The following WAC variants were observed in gnomAD, a reference collection of about 807,000 sequenced individuals.
WAC encodes the protein WW domain-containing adapter protein with coiled-coil.
Under a neutral mutation model 79.6 loss-of-function variants are expected in WAC, and 11 were observed. The observed-to-expected ratio is 0.14, with a 90% CI of 0.09 to 0.23. The LOEUF is 0.23. Among genes scored for constraint, WAC ranks in the 10% least tolerant of loss-of-function variants. WAC has a pLI of 1.00. For missense variants in WAC, 728 were observed against 773.5 expected (o/e 0.94, Z 0.70); for synonymous variants, 304 against 276.9 (o/e 1.10, Z -0.97).
At chr10:28,605,140 G>A (rs907571337) in intron 7 of WAC, among the ~76,000 whole-genome samples, 1 of 152,088 alleles carries the variant, frequency 6.6e-6, no homozygotes, top group Non-Finnish European at 1.5e-5. Context: ...AAAAGATTTC[G>A]CTTCTGTCCC....
intron 3 of WAC, among the ~76,000 whole-genome samples, chr10:28,544,080 G>A (rs545877140): frequency 2.6e-5 from 4 of 152,204 alleles, no homozygotes; most frequent in African/African-American, 9.6e-5. Flanking sequence ...ACAGGGTTTT[G>A]TCATGTTGGC....
intron 4 of WAC, among the ~76,000 whole-genome samples, chr10:28,584,165 A>G (rs541763000): frequency 6.6e-6 from 1 of 152,336 alleles, no homozygotes; most frequent in East Asian, 1.9e-4. Flanking sequence ...AAAAGTAAAC[A>G]AATAGTGCCT....
intron 3 of WAC, among the ~76,000 whole-genome samples, chr10:28,550,177 A>AG (rs1424488488): frequency 2.0e-5 from 3 of 151,592 alleles, no homozygotes; most frequent in African/African-American, 7.3e-5. Flanking sequence ...AAAAAAAAAA[A>AG]AAAGTTTGTT....
chr10:28,574,544 G>A (rs1270788051), intron 3 of WAC, among the ~76,000 whole-genome samples: 4 of 151,870 alleles, frequency 2.6e-5, no homozygotes, highest in African/African-American at 9.7e-5. Context: ...CCGGGTTCTG[G>A]CGATTCTCCT....
intron 2 of WAC, 109 bp downstream of exon 2, chr10:28,534,143 A>G (rs1008070320): frequency 3.4e-5 from 36 of 1,062,322 alleles, no homozygotes; most frequent in Non-Finnish European, 4.5e-5. Context: ...TCGGTGCAAC[A>G]CATCTGAAAC....
intron 3 of WAC, among the ~76,000 whole-genome samples, chr10:28,563,098 T>G (rs1243225793): frequency 6.6e-6 from 1 of 152,314 alleles, no homozygotes; most frequent in East Asian, 1.9e-4. Flanking sequence ...AGAGATAGGG[T>G]TTCACCATGT....
rs1429277023 is a variant in WAC, at chr10:28,622,248, G to A, written c.*2642G>A. On this transcript the variant is annotated 3_prime_UTR_variant, in exon 14 of 14. Coordinates refer to ENST00000354911, the MANE Select transcript of WAC (RefSeq NM_016628.5). ...TTTTAAATATTGCACCTTAATACAA[G>A]GTATCCAGCTCCTAACCTTAACTAG... 6.6e-6 allele frequency: 1 copy of A among 151,864 alleles called. No homozygotes were observed. Among genetic ancestry groups the A allele is most frequent in the African/African-American group, 2.4e-5 (1 of 41,334 alleles). The allele number at this position is 151,864 out of a possible 1,614,324, so 9.4% of individuals were successfully genotyped here.
intron 3 of WAC, among the ~76,000 whole-genome samples, chr10:28,544,548 T>C (rs1040490708): frequency 6.6e-6 from 1 of 152,210 alleles, no homozygotes; most frequent in African/African-American, 2.4e-5. Context: ...ATTATTAGGC[T>C]TGCTCTTATT....
chr10:28,596,162 G>C, intron 7 of WAC, 121 bp downstream of exon 7: 1 of 1,090,952 alleles, frequency 9.2e-7, no homozygotes, highest in Non-Finnish European at 1.3e-6. Context: ...AAGTCTTTTA[G>C]AATGTTTCTG....
chr10:28,541,334 A>G (rs934590056), intron 3 of WAC, among the ~76,000 whole-genome samples: 3 of 148,792 alleles, frequency 2.0e-5, no homozygotes, highest in Non-Finnish European at 1.5e-5. Flanking sequence ...GGCATTTGGG[A>G]TGCTATACCA....
At chr10:28,586,937 T>C (rs1322369985) in intron 4 of WAC, among the ~76,000 whole-genome samples, 4 of 152,194 alleles carry the variant, frequency 2.6e-5, no homozygotes, top group South Asian at 4.1e-4. Context: ...CATCTTGTTA[T>C]CAACTAAGTA....
intron 9 of WAC, 53 bp downstream of exon 9, chr10:28,610,874 G>T: frequency 2.0e-6 from 3 of 1,485,054 alleles, no homozygotes; most frequent in South Asian, 1.4e-5. Context: ...TTTTGTTTTG[G>T]AATTAATAGC....
chr10:28,608,313 A>G lies in WAC; in HGVS notation c.1047A>G (p.Pro349=). 1.2e-6 allele frequency: 2 copies of G among 1,614,178 alleles called. No homozygotes were observed. The highest frequency in any genetic ancestry group is 1.7e-6 in the Non-Finnish European group (2 of 1,180,026). The change falls in exon 8 of 14, where the codon CCA becomes CCG. Residue 349 remains proline, a synonymous_variant. Coordinates refer to ENST00000354911, the MANE Select transcript of WAC (RefSeq NM_016628.5). The part of the protein sequence containing the change: ...SASAVPVSPV[P]QSPIPPLLQD... ...CAGCGGTCCCTGTTTCTCCTGTTCC[A>G]CAGTCGCCAATACCTCCCTTACTTC...
intron 3 of WAC, among the ~76,000 whole-genome samples, chr10:28,539,108 C>T (rs990688416): frequency 1.3e-5 from 2 of 152,012 alleles, no homozygotes; most frequent in Non-Finnish European, 2.9e-5. Context: ...TTGCATTTTA[C>T]AAAGCAAGTT....
At chr10:28,535,367 G>A in intron 2 of WAC, 195 bp from the exon 3 acceptor site, 3 of 451,856 alleles carry the variant, frequency 6.6e-6, no homozygotes, top group Non-Finnish European at 1.1e-5. Context: ...TTTGTTATCA[G>A]GAGTCTTATT....
At position 28,610,788 on chromosome 10, in the gene WAC, C is replaced by G. The variant is rs752282719; in HGVS notation, c.1255C>G (p.Leu419Val). Residue 419 changes from leucine to valine, a missense_variant, in exon 9 of 14, where the codon CTG (leucine) becomes GTG (valine). Physicochemically the swap from Leu to Val is conservative, Grantham distance 32 (BLOSUM62 1). This residue lies in a region of WAC where 648 missense variants were observed against 661.5 expected (regional missense o/e 0.98). Coordinates refer to ENST00000354911, the MANE Select transcript of WAC (RefSeq NM_016628.5). ...AGPSAFNITS[L>V]ISQAAQLSTQ... Reference sequence around the variant, plus strand: ...ACCATCTGCTTTCAACATAACGTCTCTGATTTCTCAAGCTGCTCAGCTCTC... The same window carrying G: ...ACCATCTGCTTTCAACATAACGTCTGTGATTTCTCAAGCTGCTCAGCTCTC... 6.2e-7 allele frequency: 1 copy of G among 1,611,908 alleles called. No individual in the cohort carries two copies. The highest frequency in any genetic ancestry group is 8.5e-7 in the Non-Finnish European group (1 of 1,179,464).
rs529966278 is a variant in WAC, at chr10:28,617,669, C to T, written c.1759C>T (p.Arg587Cys). 5 of 1,566,628 alleles carry T rather than the reference C, an allele frequency of 3.2e-6. No homozygotes were observed. Among genetic ancestry groups the T allele is most frequent in the South Asian group, 1.3e-5 (1 of 78,520 alleles). The change falls in exon 13 of 14, where the codon CGC (arginine) becomes TGC (cysteine). Residue 587 changes from arginine to cysteine, a missense_variant. By Grantham distance (180) the Arg-to-Cys change is radical. Transcript: ENST00000354911. The part of the protein sequence containing the change: ...DHAEKQASRL[R>C]EEAHNMGTIH... Reference sequence around the variant, plus strand: ...TCTTTAATTACAGGCATCAAGATTACGCGAAGAAGCGCATAACATGGGAAC... The same window carrying T: ...TCTTTAATTACAGGCATCAAGATTATGCGAAGAAGCGCATAACATGGGAAC...
intron 12 of WAC, 125 bp downstream of exon 12, chr10:28,616,487 T>G (rs1589249476): frequency 1.2e-6 from 1 of 840,098 alleles, no homozygotes; most frequent in East Asian, 2.9e-5. Context: ...TCTCTAACTT[T>G]GTAGTCATTT....
At chr10:28,606,520 A>T (rs1840960103) in intron 7 of WAC, among the ~76,000 whole-genome samples, 3 of 152,126 alleles carry the variant, frequency 2.0e-5, no homozygotes, top group Admixed American at 1.3e-4. Context: ...CATCATGGTT[A>T]ATCAACACAT....
Sources: gnomAD v4.1 joint callset for allele counts (sites outside exome capture counted in the v4.1 genomes callset) on GRCh38, gnomAD v4.1.1 for gene constraint, gnomAD v4.1.1 regional missense constraint, MANE v1.5 for transcripts, NCBI Gene and HGNC (gene_info 2026-07-23, HGNC 2026-07-21) for gene names.